The following TTC39B variants were observed in gnomAD, a reference collection of about 807,000 sequenced individuals.
TTC39B encodes the protein tetratricopeptide repeat protein 39B.
A neutral mutation model predicts 96.6 loss-of-function variants in TTC39B; 92 were observed. The observed-to-expected ratio is 0.95, with a 90% CI of 0.80 to 1.13. TTC39B has a LOEUF of 1.13. TTC39B is among the 50% of genes most tolerant of loss of function. The pLI, the probability that TTC39B is intolerant of heterozygous loss-of-function variation, is 0.00. For synonymous variants in TTC39B, 367 were observed against 299.4 expected, an observed-to-expected ratio of 1.23 and a Z score of -2.33; for missense variants, 955 against 809.3, an observed-to-expected ratio of 1.18 and a Z score of -2.18.
chr9:15,196,782 G>A (rs1005364560), intron 8 of TTC39B, among the ~76,000 whole-genome samples: 1 of 152,212 alleles, frequency 6.6e-6, no homozygotes, highest in Non-Finnish European at 1.5e-5. Flanking sequence ...AACTCTGAAA[G>A]AAGTTCTCCT....
At chr9:15,260,893 C>CTGT (rs1195562876) in intron 2 of TTC39B, among the ~76,000 whole-genome samples, 1 of 152,210 alleles carries the variant, frequency 6.6e-6, no homozygotes, top group Non-Finnish European at 1.5e-5. Context: ...TAGACACATA[C>CTGT]ATCCCCACTG....
chr9:15,244,643 C>G (rs1822191394), intron 2 of TTC39B, among the ~76,000 whole-genome samples: 1 of 152,220 alleles, frequency 6.6e-6, no homozygotes, highest in Non-Finnish European at 1.5e-5. Flanking sequence ...GAGCCAAGAA[C>G]TTCCCATTAG....
intron 2 of TTC39B, among the ~76,000 whole-genome samples, chr9:15,253,389 A>C (rs1822635770): frequency 6.6e-6 from 1 of 152,234 alleles, no homozygotes; most frequent in South Asian, 2.1e-4. Flanking sequence ...CAAGAGCCAA[A>C]GAATGCAAGG....
chr9:15,205,187 A>G (rs1819774892), intron 6 of TTC39B, among the ~76,000 whole-genome samples: 1 of 152,214 alleles, frequency 6.6e-6, no homozygotes, highest in Admixed American at 6.5e-5. Flanking sequence ...CATGATACAG[A>G]GTAAGCACTG....
chr9:15,198,330 G>C (rs1290374246), intron 8 of TTC39B, among the ~76,000 whole-genome samples: 1 of 151,876 alleles, frequency 6.6e-6, no homozygotes, highest in East Asian at 1.9e-4. Flanking sequence ...GGTGGTATGT[G>C]CCTGTAGTCC....
chr9:15,251,700 C>CATATATATATAT (rs57422881), intron 2 of TTC39B, among the ~76,000 whole-genome samples: 1,470 of 98,066 alleles, frequency 0.015, 35 homozygotes, highest in East Asian at 0.029. Context: ...CATACATATA[C>CATATATATATAT]ATATATATAT....
chr9:15,209,578 A>G (rs1454980479), intron 6 of TTC39B, among the ~76,000 whole-genome samples: 2 of 152,268 alleles, frequency 1.3e-5, no homozygotes, highest in East Asian at 3.8e-4. Context: ...TCAAACTGTC[A>G]GTCCTGGTTC....
chr9:15,205,736 T>C (rs1218167394), intron 6 of TTC39B, among the ~76,000 whole-genome samples: 2 of 151,928 alleles, frequency 1.3e-5, no homozygotes, highest in African/African-American at 2.4e-5. Context: ...AACCAGGAAT[T>C]ATGAGCTATG....
At chr9:15,300,891 CAAAAAAAAAAAAA>C (rs71491658) in intron 1 of TTC39B, among the ~76,000 whole-genome samples, 2 of 81,166 alleles carry the variant, frequency 2.5e-5, no homozygotes, top group Non-Finnish European at 4.9e-5. Flanking sequence ...AACTCCGTCT[CAAAAAAAAAAAAA>C]AAAAAAAAAA....
chr9:15,228,599 C>G (rs1381786684), intron 2 of TTC39B, among the ~76,000 whole-genome samples: 1 of 152,208 alleles, frequency 6.6e-6, no homozygotes, highest in African/African-American at 2.4e-5. Context: ...CGCCAACTCA[C>G]CTCTAACTAA....
intron 7 of TTC39B, among the ~76,000 whole-genome samples, chr9:15,200,483 AAAC>A (rs1819470460): frequency 6.6e-6 from 1 of 152,222 alleles, no homozygotes; most frequent in Non-Finnish European, 1.5e-5. Context: ...TGTTTTAGGA[AAAC>A]AACACCACTT....
chr9:15,240,049 T>G (rs1377832323), intron 2 of TTC39B, among the ~76,000 whole-genome samples: 1 of 152,156 alleles, frequency 6.6e-6, no homozygotes, highest in Non-Finnish European at 1.5e-5. Flanking sequence ...CCAGACCAAA[T>G]TCTGCCCAAG....
intron 2 of TTC39B, among the ~76,000 whole-genome samples, chr9:15,251,271 G>C (rs192554987): frequency 1.3e-5 from 2 of 152,012 alleles, no homozygotes; most frequent in African/African-American, 4.8e-5. Context: ...CTTGGAAAGA[G>C]CTAAAAAACA....
chr9:15,299,546 T>C (rs543841615), intron 1 of TTC39B, among the ~76,000 whole-genome samples: 1 of 151,182 alleles, frequency 6.6e-6, no homozygotes, highest in Non-Finnish European at 1.5e-5. Context: ...AAAAGGAGAG[T>C]GCTGACTAAG....
At chr9:15,229,468 C>T (rs1461598998) in intron 2 of TTC39B, among the ~76,000 whole-genome samples, 2 of 152,144 alleles carry the variant, frequency 1.3e-5, no homozygotes, top group Non-Finnish European at 2.9e-5. Flanking sequence ...GGTAGATATG[C>T]AAATAATTTC....
At chr9:15,179,868 C>T (rs1055481005) in intron 17 of TTC39B, among the ~76,000 whole-genome samples, 14 of 152,132 alleles carry the variant, frequency 9.2e-5, no homozygotes, top group East Asian at 3.9e-4. Flanking sequence ...AGGCATACGG[C>T]GACTGGGTTC....
At chr9:15,272,017 C>G (rs930557667) in intron 1 of TTC39B, among the ~76,000 whole-genome samples, 29 of 152,188 alleles carry the variant, frequency 1.9e-4, no homozygotes, top group African/African-American at 6.5e-4. Flanking sequence ...GGATGAAACA[C>G]CAAAAGGCAG....
chr9:15,253,010 A>C (rs936414504), intron 2 of TTC39B, among the ~76,000 whole-genome samples: 1 of 152,200 alleles, frequency 6.6e-6, no homozygotes, highest in Non-Finnish European at 1.5e-5. Flanking sequence ...AACACACTGA[A>C]ATAATCCCAA....
chr9:15,214,356 G>T, intron 3 of TTC39B, 107 bp from the exon 4 acceptor site: 1 of 727,750 alleles, frequency 1.4e-6, no homozygotes, highest in Admixed American at 2.3e-5. Context: ...GTCTGTGTGT[G>T]TGTGTCTGTG....
Sources: gnomAD v4.1 joint callset for allele counts (sites outside exome capture counted in the v4.1 genomes callset) on GRCh38, gnomAD v4.1.1 for gene constraint, MANE v1.5 for transcripts, NCBI Gene and HGNC (gene_info 2026-07-23, HGNC 2026-07-21) for gene names.